The following CFAP299 variants were observed in gnomAD, a reference collection of about 807,000 sequenced individuals.
CFAP299 encodes the protein cilia- and flagella-associated protein 299.
In CFAP299, 21 loss-of-function variants were observed where a neutral mutation model predicts 27.0. The ratio of observed to expected loss-of-function variants is 0.78; its 90% CI spans 0.55 to 1.12. The LOEUF is 1.12. Ranked by LOEUF, CFAP299 falls within the 50% of genes most tolerant of loss-of-function variation. The pLI is 0.00. For synonymous variants in CFAP299, 104 were observed against 98.1 expected (o/e 1.06, Z -0.36); for missense variants, 310 against 276.6 (o/e 1.12, Z -0.86).
intron 2 of CFAP299, among the ~76,000 whole-genome samples, chr4:80,553,327 T>C (rs1734620280): frequency 6.6e-6 from 1 of 152,172 alleles, no homozygotes; most frequent in South Asian, 2.1e-4. Flanking sequence ...CAGGATCCCA[T>C]TCTGTTTTAT....
intron 3 of CFAP299, among the ~76,000 whole-genome samples, chr4:80,706,228 A>G (rs982336177): frequency 6.6e-6 from 1 of 151,704 alleles, no homozygotes; most frequent in African/African-American, 2.4e-5. Context: ...TTTGCTAAAT[A>G]TTTTCTGATA....
chr4:80,658,185 A>C (rs1335228019), intron 3 of CFAP299, among the ~76,000 whole-genome samples: 1 of 152,150 alleles, frequency 6.6e-6, no homozygotes, highest in Non-Finnish European at 1.5e-5. Flanking sequence ...AAACAGGGAC[A>C]ATTTGACTTC....
intron 4 of CFAP299, among the ~76,000 whole-genome samples, chr4:80,897,637 G>A (rs544860888): frequency 9.3e-4 from 142 of 152,248 alleles, no homozygotes; most frequent in African/African-American, 3.2e-3. Context: ...TAACCACGAA[G>A]CTCCTACCAC....
chr4:80,659,013 C>A (rs1740698307), intron 3 of CFAP299, among the ~76,000 whole-genome samples: 1 of 151,964 alleles, frequency 6.6e-6, no homozygotes, highest in African/African-American at 2.4e-5. Context: ...AAAGACCATG[C>A]CAAAAGTTAA....
intron 4 of CFAP299, among the ~76,000 whole-genome samples, chr4:80,874,407 G>C (rs1455078781): frequency 1.4e-4 from 22 of 152,184 alleles, no homozygotes; most frequent in Admixed American, 1.4e-3. Flanking sequence ...GTTAGAATTA[G>C]TATATTAACA....
At chr4:80,445,356 G>A (rs1301175310) in intron 2 of CFAP299, among the ~76,000 whole-genome samples, 1 of 152,180 alleles carries the variant, frequency 6.6e-6, no homozygotes, top group Non-Finnish European at 1.5e-5. Flanking sequence ...AAAAAAGAAT[G>A]AGTTCATGTC....
chr4:80,877,585 C>T (rs1417007138), intron 4 of CFAP299, among the ~76,000 whole-genome samples: 3 of 152,092 alleles, frequency 2.0e-5, no homozygotes, highest in East Asian at 1.9e-4. Context: ...AGAGATCTCA[C>T]AAAACCTCTA....
intron 3 of CFAP299, among the ~76,000 whole-genome samples, chr4:80,850,228 T>TG (rs70956069): frequency 0.016 from 2,364 of 151,038 alleles, 30 homozygotes; most frequent in African/African-American, 0.038. Context: ...TTTATGGCGG[T>TG]GGGGGGGGTG....
At chr4:80,453,248 T>G (rs1728983229) in intron 2 of CFAP299, among the ~76,000 whole-genome samples, 1 of 152,354 alleles carries the variant, frequency 6.6e-6, no homozygotes, top group African/African-American at 2.4e-5. Flanking sequence ...GAAAAGATCA[T>G]GCTTTTGTTT....
At chr4:80,485,996 C>T (rs537312442) in intron 2 of CFAP299, among the ~76,000 whole-genome samples, 9 of 152,104 alleles carry the variant, frequency 5.9e-5, no homozygotes, top group South Asian at 2.1e-4. Flanking sequence ...GGTTTGGCTG[C>T]GTTGCTCAGG....
At chr4:80,633,949 C>A (rs929396575) in intron 3 of CFAP299, among the ~76,000 whole-genome samples, 11 of 148,614 alleles carry the variant, frequency 7.4e-5, no homozygotes, top group Non-Finnish European at 1.5e-4. Context: ...CAATAAAAAA[C>A]TGAAAGTAAA....
intron 3 of CFAP299, among the ~76,000 whole-genome samples, chr4:80,791,296 G>A (rs565213891): frequency 1.4e-4 from 22 of 152,008 alleles, no homozygotes; most frequent in African/African-American, 5.1e-4. Flanking sequence ...GAGTAGATAC[G>A]AATTCTAGCT....
intron 3 of CFAP299, among the ~76,000 whole-genome samples, chr4:80,744,911 C>T (rs1724497192): frequency 6.6e-6 from 1 of 152,140 alleles, no homozygotes; most frequent in Non-Finnish European, 1.5e-5. Flanking sequence ...GGTGGCTGCA[C>T]ATCACTTTGT....
At chr4:80,469,715 T>G (rs1729888415) in intron 2 of CFAP299, among the ~76,000 whole-genome samples, 1 of 152,182 alleles carries the variant, frequency 6.6e-6, no homozygotes. Flanking sequence ...TTGTTCATTT[T>G]TATTAATGAG....
intron 2 of CFAP299, among the ~76,000 whole-genome samples, chr4:80,516,735 G>A (rs1560603933): frequency 6.6e-6 from 1 of 152,098 alleles, no homozygotes; most frequent in Non-Finnish European, 1.5e-5. Context: ...ATGTCATAGG[G>A]AGATAGGAAA....
chr4:80,647,784 T>A (rs999356413), intron 3 of CFAP299, among the ~76,000 whole-genome samples: 13 of 152,142 alleles, frequency 8.5e-5, no homozygotes, highest in African/African-American at 2.9e-4. Context: ...CAAAAAGAAA[T>A]GTTTCTAGGC....
At chr4:80,522,834 C>T (rs1412523855) in intron 2 of CFAP299, among the ~76,000 whole-genome samples, 1 of 151,936 alleles carries the variant, frequency 6.6e-6, no homozygotes, top group Non-Finnish European at 1.5e-5. Context: ...TCTCAGCTCT[C>T]TTATTTTTTT....
At chr4:80,587,855 G>A (rs1026966788) in intron 3 of CFAP299, among the ~76,000 whole-genome samples, 3 of 144,090 alleles carry the variant, frequency 2.1e-5, no homozygotes, top group African/African-American at 8.8e-5. Flanking sequence ...GCCTCCCAAA[G>A]TGCAGGCTAC....
chr4:80,418,349 TAAA>T (rs535258672), intron 2 of CFAP299, among the ~76,000 whole-genome samples: 1 of 151,938 alleles, frequency 6.6e-6, no homozygotes, highest in African/African-American at 2.4e-5. Flanking sequence ...TTTCTTTTTT[TAAA>T]AAAAAGTGTT....
Sources: allele counts gnomAD v4.1 joint callset (sites outside exome capture counted in the v4.1 genomes callset), GRCh38; gene constraint gnomAD v4.1.1; transcripts MANE v1.5; gene names NCBI Gene and HGNC (gene_info 2026-07-23, HGNC 2026-07-21).